NFASC: variants seen among roughly 807,000 people sequenced by gnomAD.
NFASC encodes the protein neurofascin homolog.
A neutral mutation model predicts 147.5 loss-of-function variants in NFASC; 43 were observed. The observed-to-expected ratio is 0.29, with a 90% CI of 0.23 to 0.38. NFASC has a LOEUF of 0.38. Among genes scored for constraint, NFASC ranks in the 10% least tolerant of loss-of-function variants. The pLI is 1.00. For synonymous variants in NFASC, 622 were observed against 665.5 expected (o/e 0.93, Z 1.01); for missense variants, 1,320 against 1,689.0 (o/e 0.78, Z 3.83).
intron 3 of NFASC, 117 bp from the exon 4 acceptor site, chr1:204,950,440 C>G: frequency 1.1e-6 from 1 of 949,962 alleles, no homozygotes; most frequent in South Asian, 1.4e-5. Context: ...CAGCGCCCTC[C>G]CCAGGCACAC....
At chr1:204,909,527 C>T (rs912208817) in intron 1 of NFASC, among the ~76,000 whole-genome samples, 2 of 152,122 alleles carry the variant, frequency 1.3e-5, no homozygotes, top group South Asian at 2.1e-4. Flanking sequence ...GTGGTTTCTC[C>T]CACTCGTCAT....
At chr1:204,985,027 G>A (rs1404347442) in intron 21 of NFASC, among the ~76,000 whole-genome samples, 1 of 152,210 alleles carries the variant, frequency 6.6e-6, no homozygotes, top group Non-Finnish European at 1.5e-5. Context: ...AACGTGATGT[G>A]TACACTTGAA....
At chr1:204,860,720 A>G (rs2076587038) in intron 1 of NFASC, among the ~76,000 whole-genome samples, 1 of 152,192 alleles carries the variant, frequency 6.6e-6, no homozygotes, top group Non-Finnish European at 1.5e-5. Flanking sequence ...GAAACCCTCT[A>G]CCAATGAAGT....
intron 21 of NFASC, among the ~76,000 whole-genome samples, chr1:204,983,441 A>G (rs1202606299): frequency 1.3e-5 from 2 of 152,208 alleles, no homozygotes; most frequent in Non-Finnish European, 2.9e-5. Context: ...GGCTGGCAGC[A>G]GCAGGAAGCC....
chr1:204,877,567 C>G (rs549196391), intron 1 of NFASC, among the ~76,000 whole-genome samples: 1 of 152,210 alleles, frequency 6.6e-6, no homozygotes, highest in Non-Finnish European at 1.5e-5. Flanking sequence ...GACCTCCCAT[C>G]CCATCATGGC....
intron 1 of NFASC, among the ~76,000 whole-genome samples, chr1:204,906,899 G>A (rs1020811859): frequency 4.6e-5 from 7 of 152,080 alleles, no homozygotes; most frequent in South Asian, 2.1e-4. Flanking sequence ...TAGCCAGGAT[G>A]GTCTGCATCT....
At chr1:204,835,689 G>C (rs568806780) in intron 1 of NFASC, among the ~76,000 whole-genome samples, 1 of 152,254 alleles carries the variant, frequency 6.6e-6, no homozygotes, top group South Asian at 2.1e-4. Flanking sequence ...GGTGTGTCTG[G>C]AGCAGTATAT....
In NFASC at chr1:205,016,822, G is replaced by A. The variant is rs1356847247; in HGVS notation, c.*283G>A. 2.7e-5 allele frequency: 14 copies of A among 509,142 alleles called. No homozygotes were observed. The highest frequency in any genetic ancestry group is 5.6e-4 in the Middle Eastern group (1 of 1,800). The allele number at this position is 509,142 out of a possible 1,614,324, so 31.5% of individuals were successfully genotyped here. A position where few individuals can be genotyped will look rare whatever the true frequency, so the allele number is the denominator to read the frequency against. ...CCTTGCCCGGTCTCGCAGCCACCCC[G>A]AGCGTTCCACCACACTGTCCGCCCT... is the stretch of plus-strand genomic sequence containing the variant. On this transcript the variant is annotated 3_prime_UTR_variant, in exon 30 of 30. Transcript: ENST00000339876. This position sits in a 1 kb window ranked among gnomAD's most constrained non-coding sequence, Gnocchi z 5.1.
rs201163175 is a variant in NFASC at position 204,981,996 on chromosome 1, G to A, written c.2446G>A (p.Val816Ile). 119 of 1,589,078 alleles carry A rather than the reference G, an allele frequency of 7.5e-5. No homozygotes were observed. The highest frequency in any genetic ancestry group is 4.1e-4 in the Admixed American group (23 of 56,738). ...CGGGAAGGGCCCTGAGCCAGAGTCC[G>A]TCATCGGTTACTCCGGAGAAGATTG... ...DFGKGPEPESVIGYSGEDLPS... is the reference protein window; with the variant it reads ...DFGKGPEPESIIGYSGEDLPS... The change falls in exon 21 of 30, where the codon GTC (valine) becomes ATC (isoleucine). Residue 816 changes from valine to isoleucine, a missense_variant. Val to Ile is a conservative substitution (Grantham distance 29). Coordinates refer to ENST00000339876, the MANE Select transcript of NFASC (RefSeq NM_001005388.3).
At chr1:204,895,284 C>T (rs1475643288) in intron 1 of NFASC, among the ~76,000 whole-genome samples, 2 of 152,160 alleles carry the variant, frequency 1.3e-5, no homozygotes, top group African/African-American at 2.4e-5. Context: ...ACTACTCAAG[C>T]TTTCAAGACC....
chr1:204,882,433 C>A (rs55775141), intron 1 of NFASC, among the ~76,000 whole-genome samples: 1 of 152,122 alleles, frequency 6.6e-6, no homozygotes, highest in Non-Finnish European at 1.5e-5. Context: ...CTATTCCCCC[C>A]CTCACCTCCC....
In NFASC at chr1:204,982,040, T is replaced by TC. The variant is rs1223262074; in HGVS notation, c.2470+26dup. ...AAGATTGTGAGTAGTCTCCTCCCCG[T>TC]CCCCCCATCAGGACCCTTGTGGCTA... is the stretch of plus-strand genomic sequence containing the variant. On this transcript the variant is annotated intron_variant, in intron 21 of 29. Transcript: ENST00000339876. The TC allele has an allele frequency of 3.4e-6, 5 of 1,475,888 alleles. No individual in the cohort carries two copies. In the African/African-American group the frequency reaches 5.8e-5, roughly 17 times the overall value. The allele number at this position is 1,475,888 out of a possible 1,614,324, so 91.4% of individuals were successfully genotyped here.
intron 1 of NFASC, among the ~76,000 whole-genome samples, chr1:204,876,392 A>T (rs1442852880): frequency 6.6e-6 from 1 of 152,116 alleles, no homozygotes; most frequent in Non-Finnish European, 1.5e-5. Flanking sequence ...TGCCATTATG[A>T]TATATCTTTC....
chr1:204,904,071 TTTC>T (rs1286247718), intron 1 of NFASC, among the ~76,000 whole-genome samples: 3 of 152,128 alleles, frequency 2.0e-5, no homozygotes, highest in Admixed American at 6.5e-5. Context: ...AGGCTTCAGA[TTTC>T]TTCTTCTTCG....
intron 8 of NFASC, among the ~76,000 whole-genome samples, chr1:204,962,389 A>G (rs963324862): frequency 6.6e-6 from 1 of 152,240 alleles, no homozygotes; most frequent in Non-Finnish European, 1.5e-5. Flanking sequence ...TGAATTCTCA[A>G]CAAGTTGTTC....
chr1:204,876,534 A>G (rs1410831590), intron 1 of NFASC, among the ~76,000 whole-genome samples: 1 of 152,206 alleles, frequency 6.6e-6, no homozygotes, highest in Non-Finnish European at 1.5e-5. Flanking sequence ...TATAACCATC[A>G]TCACTACACC....
intron 1 of NFASC, among the ~76,000 whole-genome samples, chr1:204,907,247 A>G (rs1191355810): frequency 6.6e-6 from 1 of 152,204 alleles, no homozygotes; most frequent in Admixed American, 6.5e-5. Context: ...TTTGCCATAC[A>G]TATATCATCT....
At chr1:204,962,939 A>G (rs1421793970) in intron 8 of NFASC, among the ~76,000 whole-genome samples, 1 of 152,152 alleles carries the variant, frequency 6.6e-6, no homozygotes, top group African/African-American at 2.4e-5. Flanking sequence ...GTTACCCCTC[A>G]CCATGGCTCA....
At chr1:204,935,416 A>G (rs1177551785) in intron 2 of NFASC, among the ~76,000 whole-genome samples, 1 of 152,206 alleles carries the variant, frequency 6.6e-6, no homozygotes, top group African/African-American at 2.4e-5. Context: ...AGTGAAAGGA[A>G]GGCTCCAGAT....
Sources: allele counts gnomAD v4.1 joint callset (sites outside exome capture counted in the v4.1 genomes callset), GRCh38; gene constraint gnomAD v4.1.1; non-coding constraint Gnocchi (gnomAD v3.1); transcripts MANE v1.5; gene names NCBI Gene and HGNC (gene_info 2026-07-23, HGNC 2026-07-21).